SPRED2: variants seen among roughly 807,000 people sequenced by gnomAD.
SPRED2 encodes the protein sprouty related EVH1 domain containing 2.
SPRED2 carries 47 observed loss-of-function variants against 43.0 expected under a neutral mutation model. That is an observed-to-expected ratio of 1.09 (90% CI 0.87 to 1.40). SPRED2 has a LOEUF of 1.40. Ranked by LOEUF, SPRED2 falls within the 40% of genes most tolerant of loss-of-function variation. The pLI, the probability that SPRED2 is intolerant of heterozygous loss-of-function variation, is 0.00. For synonymous variants in SPRED2, 225 were observed against 225.7 expected, an observed-to-expected ratio of 1.00 and a Z score of 0.03; for missense variants, 561 against 586.4, an observed-to-expected ratio of 0.96 and a Z score of 0.45.
intron 4 of SPRED2, among the ~76,000 whole-genome samples, chr2:65,328,909 T>G (rs1176248060): frequency 6.6e-6 from 1 of 152,260 alleles, no homozygotes; most frequent in East Asian, 1.9e-4. Flanking sequence ...TGTTGTATTC[T>G]GTGCCCTTTT....
intron 4 of SPRED2, among the ~76,000 whole-genome samples, chr2:65,323,451 A>C (rs1315103370): frequency 6.6e-6 from 1 of 152,128 alleles, no homozygotes; most frequent in Non-Finnish European, 1.5e-5. Flanking sequence ...AGAGTAAGAA[A>C]AGAGAAGGGA....
chr2:65,427,440 T>C (rs1047150081), intron 1 of SPRED2, among the ~76,000 whole-genome samples: 2 of 152,206 alleles, frequency 1.3e-5, no homozygotes, highest in Non-Finnish European at 2.9e-5. Flanking sequence ...AGTAGAACCA[T>C]ACCCCCTGGT....
intron 1 of SPRED2, among the ~76,000 whole-genome samples, chr2:65,372,823 C>A (rs183569461): frequency 1.3e-5 from 2 of 152,332 alleles, no homozygotes; most frequent in African/African-American, 4.8e-5. Context: ...AGACCCAAAT[C>A]TGCCACTCAG....
At chr2:65,390,558 T>C (rs1320617319) in intron 1 of SPRED2, among the ~76,000 whole-genome samples, 1 of 152,148 alleles carries the variant, frequency 6.6e-6, no homozygotes, top group African/African-American at 2.4e-5. Context: ...TGAGTTCAAA[T>C]CCAGATTCTG....
At chr2:65,334,911 C>G in intron 2 of SPRED2, 138 bp from the exon 3 acceptor site, 3 of 815,952 alleles carry the variant, frequency 3.7e-6, no homozygotes, top group Non-Finnish European at 5.9e-6. Flanking sequence ...ATCTGTGAGT[C>G]TCTCCAATGG....
chr2:65,412,146 G>GAAA (rs113590947), intron 1 of SPRED2, among the ~76,000 whole-genome samples: 2 of 149,894 alleles, frequency 1.3e-5, no homozygotes, highest in South Asian at 4.2e-4. Context: ...AGAAAAGAAA[G>GAAA]AAAGAAAAAG....
intron 1 of SPRED2, among the ~76,000 whole-genome samples, chr2:65,391,102 A>T (rs1675626018): frequency 6.6e-6 from 1 of 151,194 alleles, no homozygotes; most frequent in Admixed American, 6.6e-5. Flanking sequence ...AAAAAAAAAA[A>T]AATCTACTGC....
At chr2:65,355,175 T>G (rs1443415606) in intron 1 of SPRED2, among the ~76,000 whole-genome samples, 5 of 152,254 alleles carry the variant, frequency 3.3e-5, no homozygotes, top group African/African-American at 4.8e-5. Flanking sequence ...TGGAGACTCC[T>G]GGGCATATGC....
At chr2:65,392,603 T>C (rs1315948293) in intron 1 of SPRED2, among the ~76,000 whole-genome samples, 1 of 152,194 alleles carries the variant, frequency 6.6e-6, no homozygotes, top group Non-Finnish European at 1.5e-5. Context: ...TCTTATAGTC[T>C]TAAAATGTGA....
At chr2:65,358,956 C>G (rs1674730942) in intron 1 of SPRED2, among the ~76,000 whole-genome samples, 1 of 152,194 alleles carries the variant, frequency 6.6e-6, no homozygotes, top group Non-Finnish European at 1.5e-5. Context: ...AGGAATTCTT[C>G]TTAAACTTCT....
chr2:65,348,855 T>C (rs1674426593), intron 1 of SPRED2, among the ~76,000 whole-genome samples: 1 of 152,194 alleles, frequency 6.6e-6, no homozygotes, highest in South Asian at 2.1e-4. Context: ...TCAATACTTA[T>C]TTACTTATGA....
intron 1 of SPRED2, among the ~76,000 whole-genome samples, chr2:65,400,930 G>A (rs1675870160): frequency 1.3e-5 from 2 of 152,106 alleles, no homozygotes; most frequent in East Asian, 3.9e-4. Context: ...GGAAGTTTCT[G>A]GGCTTATACT....
At chr2:65,409,800 C>T (rs552032744) in intron 1 of SPRED2, among the ~76,000 whole-genome samples, 30 of 151,216 alleles carry the variant, frequency 2.0e-4, no homozygotes, top group Admixed American at 4.0e-4. Context: ...CTTTGGGAGG[C>T]CAAGGCGGGC....
chr2:65,353,387 A>G lies in SPRED2; in HGVS notation c.27-8491T>C, dbSNP rs569746630. Reference sequence around the variant, plus strand: ...TAAATAAACCTCTCACCCACACACTATTTTCCAGTGCACATATTAAAAGAG... The same window carrying G: ...TAAATAAACCTCTCACCCACACACTGTTTTCCAGTGCACATATTAAAAGAG... On this transcript the variant is annotated intron_variant, in intron 1 of 5. Coordinates refer to ENST00000356388, the MANE Select transcript of SPRED2 (RefSeq NM_181784.3). Among the ~76,000 whole-genome samples the G allele has an allele frequency of 3.9e-5, 6 of 152,208 alleles. No individual in the cohort carries two copies. The East Asian group carries it at 9.6e-4, about 24-fold the overall frequency.
chr2:65,348,531 G>A (rs779186593), intron 1 of SPRED2, among the ~76,000 whole-genome samples: 2 of 152,060 alleles, frequency 1.3e-5, no homozygotes, highest in Non-Finnish European at 2.9e-5. Context: ...GGCTGGAAGC[G>A]GTGGCTCATG....
At chr2:65,344,667 A>G (rs1674289433) in intron 2 of SPRED2, 52 bp downstream of exon 2, 2 of 1,595,064 alleles carry the variant, frequency 1.3e-6, no homozygotes, top group Non-Finnish European at 8.6e-7. Context: ...GATTTAACGT[A>G]AAGAAAGCAG....
At chr2:65,309,215 G>C (rs1673005516), downstream of SPRED2, among the ~76,000 whole-genome samples, 1 of 150,318 alleles carries the variant, frequency 6.7e-6, no homozygotes, top group South Asian at 2.1e-4. Context: ...ACAAAACAAA[G>C]AAAGGGCCAG....
At chr2:65,322,294 A>ATATTT (rs1350932295) in intron 4 of SPRED2, among the ~76,000 whole-genome samples, 7 of 64,928 alleles carry the variant, frequency 1.1e-4, no homozygotes, top group East Asian at 6.0e-4. Flanking sequence ...ATATATATAT[A>ATATTT]TTTTTTTTTT....
intron 1 of SPRED2, among the ~76,000 whole-genome samples, chr2:65,426,527 GC>G (rs372959563): frequency 5.5e-4 from 84 of 152,270 alleles, no homozygotes; most frequent in Middle Eastern, 3.4e-3. Context: ...CTGGGTATAA[GC>G]CCAACTTGAA....
Sources: gnomAD v4.1 joint callset for allele counts (sites outside exome capture counted in the v4.1 genomes callset) on GRCh38, gnomAD v4.1.1 for gene constraint, MANE v1.5 for transcripts, NCBI Gene and HGNC (gene_info 2026-07-23, HGNC 2026-07-21) for gene names.